The following KIF5C variants were observed in gnomAD, a reference collection of about 807,000 sequenced individuals.
KIF5C encodes kinesin family member 5C.
A neutral mutation model predicts 125.2 loss-of-function variants in KIF5C; 18 were observed. The ratio of observed to expected loss-of-function variants is 0.14; its 90% CI spans 0.10 to 0.21. The LOEUF (loss-of-function observed/expected upper bound fraction) is 0.21. KIF5C is among the 10% of genes least tolerant of loss of function. The pLI is 1.00. For synonymous variants in KIF5C, 405 were observed against 434.0 expected (o/e 0.93, Z 0.83); for missense variants, 780 against 1,183.8 (o/e 0.66, Z 5.01).
At chr2:148,903,515 G>A (rs1680982811) in intron 1 of KIF5C, among the ~76,000 whole-genome samples, 2 of 152,222 alleles carry the variant, frequency 1.3e-5, no homozygotes, top group South Asian at 4.1e-4. Context: ...TAGTGGCCCT[G>A]ATGAGAACCT....
chr2:148,944,299 C>G (rs1418515031), intron 7 of KIF5C, among the ~76,000 whole-genome samples: 1 of 152,184 alleles, frequency 6.6e-6, no homozygotes, highest in African/African-American at 2.4e-5. Flanking sequence ...AACCAAAACT[C>G]TGTACCCAAT....
chr2:148,911,936 T>G (rs561185319), intron 1 of KIF5C, among the ~76,000 whole-genome samples: 58 of 152,250 alleles, frequency 3.8e-4, no homozygotes, highest in Non-Finnish European at 6.3e-4. Flanking sequence ...TCACACTGAT[T>G]TTTCCTGCTT....
intron 17 of KIF5C, among the ~76,000 whole-genome samples, chr2:148,996,638 G>A (rs1013430981): frequency 5.3e-5 from 8 of 152,180 alleles, no homozygotes; most frequent in African/African-American, 1.7e-4. Context: ...GAGCACCATC[G>A]ACCAAGCATA....
chr2:148,929,705 G>A lies in KIF5C; in HGVS notation c.291+351G>A, dbSNP rs144511588. On this transcript the variant is annotated intron_variant, in intron 3 of 25. Coordinates refer to ENST00000435030, the MANE Select transcript of KIF5C (RefSeq NM_004522.3). ...ATCATTTACCCTGATGAAGGCCCCC[G>A]GGGAGGTTCGTCTCTTAGAATAAAT... Among the ~76,000 whole-genome samples the A allele has an allele frequency of 7.2e-3, 1,091 of 152,252 alleles. 17 individuals are homozygous for A. The highest frequency in any genetic ancestry group is 0.065 in the Middle Eastern group (19 of 294).
At chr2:148,993,648 G>C (rs1334799005) in intron 16 of KIF5C, among the ~76,000 whole-genome samples, 1 of 152,188 alleles carries the variant, frequency 6.6e-6, no homozygotes, top group Non-Finnish European at 1.5e-5. Context: ...TCAGTCTCCA[G>C]GGTCTTCCTG....
Position 148,875,663 on chromosome 2 carries a change from C to T in KIF5C, c.46C>T (p.Arg16Trp). The T allele has an allele frequency of 6.4e-7, 1 of 1,570,544 alleles. No individual in the cohort carries two copies. ...CAGCATCAAAGTGATGTGCCGGTTCCGGCCCCTCAACGAAGCGGAGATCCT... is the reference window on the plus strand; with the variant it reads ...CAGCATCAAAGTGATGTGCCGGTTCTGGCCCCTCAACGAAGCGGAGATCCT... Reference protein sequence around the residue: ...ECSIKVMCRFRPLNEAEILRG... With the variant: ...ECSIKVMCRFWPLNEAEILRG... The change falls in exon 1 of 26, where the codon CGG (arginine) becomes TGG (tryptophan). Residue 16 changes from arginine to tryptophan, a missense_variant. By Grantham distance (101) the Arg-to-Trp change is moderately radical. This residue lies in a region of KIF5C where 207 missense variants were observed against 441.2 expected (regional missense o/e 0.47). Transcript: ENST00000435030.
chr2:148,923,793 A>G (rs1026727343), intron 2 of KIF5C, among the ~76,000 whole-genome samples: 2 of 152,202 alleles, frequency 1.3e-5, no homozygotes, highest in Non-Finnish European at 2.9e-5. Context: ...TTAAAAAAAA[A>G]TCCTGTGATT....
chr2:148,952,022 T>C (rs1351331466), intron 10 of KIF5C, among the ~76,000 whole-genome samples: 1 of 152,188 alleles, frequency 6.6e-6, no homozygotes, highest in Non-Finnish European at 1.5e-5. Flanking sequence ...TCTTTTAAAC[T>C]GGATTTGGGT....
chr2:148,980,565 T>C (rs1681203363), intron 13 of KIF5C, among the ~76,000 whole-genome samples: 1 of 152,180 alleles, frequency 6.6e-6, no homozygotes, highest in Non-Finnish European at 1.5e-5. Context: ...TATACTGTTT[T>C]AGTTGATTGT....
chr2:148,907,912 C>T (rs534039226), intron 1 of KIF5C, among the ~76,000 whole-genome samples: 2 of 152,360 alleles, frequency 1.3e-5, no homozygotes, highest in African/African-American at 4.8e-5. Flanking sequence ...AAGCAATTCC[C>T]AGTCATTGGG....
At chr2:148,950,054 A>G in intron 9 of KIF5C, 111 bp downstream of exon 9, 1 of 1,443,974 alleles carries the variant, frequency 6.9e-7, no homozygotes, top group Non-Finnish European at 9.2e-7. Flanking sequence ...TCTGTTTGGA[A>G]GAGGACAGAG....
At chr2:148,916,453 G>A (rs1404688414) in intron 1 of KIF5C, among the ~76,000 whole-genome samples, 1 of 152,182 alleles carries the variant, frequency 6.6e-6, no homozygotes. Context: ...GGAGTCACAG[G>A]CCTGGGGACC....
intron 1 of KIF5C, among the ~76,000 whole-genome samples, chr2:148,914,833 T>C (rs1296427511): frequency 2.6e-5 from 4 of 152,222 alleles, no homozygotes; most frequent in Admixed American, 6.5e-5. Flanking sequence ...CCATGTAGAC[T>C]GGGCAGGCAG....
chr2:148,890,382 T>G (rs2105045517), intron 1 of KIF5C, among the ~76,000 whole-genome samples: 1 of 152,038 alleles, frequency 6.6e-6, no homozygotes, highest in East Asian at 1.9e-4. Context: ...GTACCTGTAG[T>G]GCCATCTGCT....
rs56081332 is a variant in KIF5C, at chr2:148,946,592, A to G, written c.590-307A>G. ...GAGGTAGTGAATTCTTCAAGGGGAA[A>G]GTCATGCTGGAGTAGGAATTTAGAG... On this transcript the variant is annotated intron_variant, in intron 7 of 25. Coordinates refer to ENST00000435030, the MANE Select transcript of KIF5C (RefSeq NM_004522.3). Among the ~76,000 whole-genome samples, 20,867 of 152,150 alleles carry G rather than the reference A, an allele frequency of 0.14. 2,191 individuals carry two copies. Among genetic ancestry groups the G allele is most frequent in the African/African-American group, 0.29 (11,860 of 41,462 alleles).
chr2:148,945,908 G>C (rs1448727724), intron 7 of KIF5C, among the ~76,000 whole-genome samples: 1 of 152,082 alleles, frequency 6.6e-6, no homozygotes, highest in Non-Finnish European at 1.5e-5. Context: ...AGATTGCTTT[G>C]GGTAATACTG....
Position 148,959,431 on chromosome 2 carries a change from T to G in KIF5C, c.969-2540T>G, listed in dbSNP as rs534701341. 3.3e-5 allele frequency among the ~76,000 whole-genome samples: 5 copies of G among 152,232 alleles called. No individual in the cohort carries two copies. The East Asian group carries it at 9.7e-4, about 29-fold the overall frequency. On this transcript the variant is annotated intron_variant, in intron 10 of 25. Transcript: ENST00000435030. ...TACACATACACAAACCCCTTAGGGT[T>G]TTTTTGGGGGAAGGTGGGGATTACT...
intron 22 of KIF5C, among the ~76,000 whole-genome samples, chr2:149,006,877 C>T (rs1347209777): frequency 4.6e-5 from 7 of 151,960 alleles, no homozygotes; most frequent in African/African-American, 1.5e-4. Flanking sequence ...AGGTTCAGTC[C>T]GAGGAAGGAG....
chr2:148,901,934 G>A (rs1248829529), intron 1 of KIF5C, among the ~76,000 whole-genome samples: 1 of 152,162 alleles, frequency 6.6e-6, no homozygotes, highest in Non-Finnish European at 1.5e-5. Context: ...CCAGAACACT[G>A]GAACAAATGT....
Sources: gnomAD v4.1 joint callset for allele counts (sites outside exome capture counted in the v4.1 genomes callset) on GRCh38, gnomAD v4.1.1 for gene constraint, gnomAD v4.1.1 regional missense constraint, MANE v1.5 for transcripts, NCBI Gene and HGNC (gene_info 2026-07-23, HGNC 2026-07-21) for gene names.